SORCS2: variants seen among roughly 807,000 people sequenced by gnomAD.
SORCS2 encodes sortilin related VPS10 domain containing receptor 2.
Under a neutral mutation model 141.6 loss-of-function variants are expected in SORCS2, and 100 were observed. The ratio of observed to expected loss-of-function variants is 0.71; its 90% CI spans 0.60 to 0.83. The LOEUF is 0.83. SORCS2 is among the 40% of genes least tolerant of loss of function. The pLI, the probability that SORCS2 is intolerant of heterozygous loss-of-function variation, is 0.00. For synonymous variants in SORCS2, 789 were observed against 676.9 expected (o/e 1.17, Z -2.57); for missense variants, 1,646 against 1,560.2 (o/e 1.05, Z -0.93).
intron 2 of SORCS2, among the ~76,000 whole-genome samples, chr4:7,499,612 G>A (rs893833570): frequency 2.6e-5 from 4 of 152,104 alleles, no homozygotes; most frequent in Non-Finnish European, 5.9e-5. Context: ...CCATGGGGCT[G>A]GGCTCTGTTC....
At chr4:7,287,678 C>G (rs1716320844) in intron 1 of SORCS2, among the ~76,000 whole-genome samples, 1 of 152,216 alleles carries the variant, frequency 6.6e-6, no homozygotes, top group African/African-American at 2.4e-5. Flanking sequence ...GATGACAATA[C>G]TGGCATTGAC....
chr4:7,724,368 G>A (rs1472170251), intron 19 of SORCS2, among the ~76,000 whole-genome samples: 4 of 146,618 alleles, frequency 2.7e-5, no homozygotes, highest in Non-Finnish European at 5.9e-5. Context: ...TAGTAATGGT[G>A]ATGATGGTGG....
chr4:7,524,952 C>T (rs991852300), intron 2 of SORCS2, among the ~76,000 whole-genome samples: 1 of 152,240 alleles, frequency 6.6e-6, no homozygotes, highest in Admixed American at 6.5e-5. Context: ...CCCGAGCACC[C>T]CTGGTCTGCA....
intron 2 of SORCS2, among the ~76,000 whole-genome samples, chr4:7,503,568 G>A (rs1235559947): frequency 3.3e-5 from 5 of 152,152 alleles, no homozygotes; most frequent in South Asian, 2.1e-4. Context: ...CTATGCAGAC[G>A]GAGACCCAGA....
At chr4:7,241,060 G>C (rs962387326) in intron 1 of SORCS2, among the ~76,000 whole-genome samples, 10 of 152,108 alleles carry the variant, frequency 6.6e-5, no homozygotes, top group Non-Finnish European at 5.9e-5. Context: ...TCAGCCTCCC[G>C]AGTAGCTGGG....
At chr4:7,676,824 T>TCTCTCTCCCTCTCCCTCTCTCC (rs765132758) in intron 9 of SORCS2, among the ~76,000 whole-genome samples, 1 of 49,078 alleles carries the variant, frequency 2.0e-5, no homozygotes, top group African/African-American at 8.9e-5. Flanking sequence ...TCTCTCTCTC[T>TCTCTCTCCCTCTCCCTCTCTCC]CTCTCCCTCT....
intron 4 of SORCS2, among the ~76,000 whole-genome samples, chr4:7,641,302 T>G (rs943259946): frequency 2.2e-4 from 33 of 152,078 alleles, no homozygotes; most frequent in African/African-American, 6.5e-4. Context: ...TGGTGGAAGG[T>G]GAAGGGGAAG....
rs377452862 is a variant in SORCS2 at position 7,654,016 on chromosome 4, G to A, written c.814-118G>A. ...ATGAGCACAGCGCCTCCGCGTGTCC[G>A]CTGGACAAGGATGACTTCTCCTGGG... On this transcript the variant is annotated intron_variant, in intron 4 of 26. Coordinates refer to ENST00000507866, the MANE Select transcript of SORCS2 (RefSeq NM_020777.3). 24 of 971,186 alleles carry A rather than the reference G, an allele frequency of 2.5e-5. No homozygotes were observed. In the East Asian group the frequency reaches 2.7e-4, roughly 11 times the overall value. 60.2% of individuals were successfully genotyped at this position (971,186 alleles called of 1,614,324 possible).
chr4:7,543,369 G>A (rs113547342), intron 3 of SORCS2, among the ~76,000 whole-genome samples: 58 of 151,688 alleles, frequency 3.8e-4, no homozygotes, highest in Admixed American at 3.3e-4. Context: ...CCACCTATCC[G>A]TTGATTCATA....
chr4:7,724,150 G>GGTGGTGATGGTGGTGATA (rs1726825532), intron 19 of SORCS2, among the ~76,000 whole-genome samples: 1 of 135,394 alleles, frequency 7.4e-6, no homozygotes, highest in Non-Finnish European at 1.5e-5. Flanking sequence ...TGATGGTCGT[G>GGTGGTGATGGTGGTGATA]GTGGTGGTGG....
At chr4:7,267,935 G>A (rs1408970205) in intron 1 of SORCS2, among the ~76,000 whole-genome samples, 1 of 152,244 alleles carries the variant, frequency 6.6e-6, no homozygotes, top group Non-Finnish European at 1.5e-5. Flanking sequence ...GGTGACAATG[G>A]CACAGGTAGG....
chr4:7,653,310 C>A (rs1721554396), intron 4 of SORCS2, among the ~76,000 whole-genome samples: 1 of 152,150 alleles, frequency 6.6e-6, no homozygotes, highest in African/African-American at 2.4e-5. Flanking sequence ...GTGGTGTGAT[C>A]TTGGCTCACT....
At chr4:7,540,972 G>A (rs550967383) in intron 3 of SORCS2, among the ~76,000 whole-genome samples, 1 of 152,228 alleles carries the variant, frequency 6.6e-6, no homozygotes, top group African/African-American at 2.4e-5. Flanking sequence ...CAGTGCGTGA[G>A]GCATGGGGGT....
chr4:7,544,285 T>C (rs1275505231), intron 3 of SORCS2, among the ~76,000 whole-genome samples: 2 of 152,180 alleles, frequency 1.3e-5, no homozygotes, highest in African/African-American at 4.8e-5. Context: ...CTGACACCTG[T>C]GAGGTGACAT....
intron 1 of SORCS2, among the ~76,000 whole-genome samples, chr4:7,236,878 G>A (rs758232361): frequency 8.5e-5 from 13 of 152,264 alleles, no homozygotes; most frequent in Non-Finnish European, 1.8e-4. Context: ...ACCATGCCCA[G>A]TCATTTTTAT....
At chr4:7,335,278 A>G (rs968496310) in intron 1 of SORCS2, among the ~76,000 whole-genome samples, 2 of 152,196 alleles carry the variant, frequency 1.3e-5, no homozygotes, top group Non-Finnish European at 2.9e-5. Context: ...TTGTCTTTGT[A>G]CAAGTCTCCC....
Position 7,648,591 on chromosome 4 carries a change from C to T in SORCS2, c.814-5543C>T, listed in dbSNP as rs1035199932. Among the ~76,000 whole-genome samples the T allele has an allele frequency of 2.2e-4, 33 of 151,940 alleles. No individual in the cohort carries two copies. The highest frequency in any genetic ancestry group is 3.4e-4 in the African/African-American group (14 of 41,406). ...CCTCCTTTCTAGATGAGGATGGGGG[C>T]GCAGAGCAGATGACGAGGGATGGGT... is the stretch of plus-strand genomic sequence containing the variant. On this transcript the variant is annotated intron_variant, in intron 4 of 26. Transcript: ENST00000507866. The surrounding 1 kb of genome is among the most constrained non-coding windows in gnomAD (Gnocchi z 4.2).
intron 1 of SORCS2, among the ~76,000 whole-genome samples, chr4:7,195,006 G>A (rs533718855): frequency 5.3e-5 from 8 of 152,096 alleles, no homozygotes; most frequent in Admixed American, 3.3e-4. Flanking sequence ...TGGGTGCAGG[G>A]CAGCTTCCTG....
At chr4:7,223,517 C>G (rs1728832578) in intron 1 of SORCS2, among the ~76,000 whole-genome samples, 1 of 152,104 alleles carries the variant, frequency 6.6e-6, no homozygotes, top group Admixed American at 6.5e-5. Context: ...AATTAATACC[C>G]TTGGATACAA....
Sources: gnomAD v4.1 joint callset for allele counts (sites outside exome capture counted in the v4.1 genomes callset) on GRCh38, gnomAD v4.1.1 for gene constraint, Gnocchi (gnomAD v3.1) non-coding constraint, MANE v1.5 for transcripts, NCBI Gene and HGNC (gene_info 2026-07-23, HGNC 2026-07-21) for gene names.